Variants in MTMR9 observed in about 807,000 individuals in gnomAD.
MTMR9 encodes myotubularin related protein 9.
A neutral mutation model predicts 69.5 loss-of-function variants in MTMR9; 39 were observed. The observed-to-expected ratio is 0.56, with a 90% CI of 0.43 to 0.73. The LOEUF is 0.73. Ranked by LOEUF, MTMR9 falls within the 30% of genes least tolerant of loss-of-function variation. The probability of loss-of-function intolerance (pLI) is 0.00; values close to 1 mark genes in which losing one functional copy is unlikely to be tolerated. For synonymous variants in MTMR9, 354 were observed against 240.8 expected (o/e 1.47, Z -4.35); for missense variants, 900 against 671.2 (o/e 1.34, Z -3.77).
intron 1 of MTMR9, among the ~76,000 whole-genome samples, chr8:11,285,920 C>G (rs1269308556): frequency 6.7e-6 from 1 of 149,550 alleles, no homozygotes; most frequent in Admixed American, 6.7e-5. Context: ...GAGGATATGC[C>G]TTAAAATAAT....
At chr8:11,310,286 T>A (rs914926908) in intron 6 of MTMR9, among the ~76,000 whole-genome samples, 4 of 152,172 alleles carry the variant, frequency 2.6e-5, no homozygotes, top group African/African-American at 9.7e-5. Context: ...GGCAGAAGAC[T>A]TGAACAGAGG....
chr8:11,336,292 T>C, the MTMR9 span, among the ~76,000 whole-genome samples: 1 of 152,204 alleles, frequency 6.6e-6, no homozygotes, highest in East Asian at 1.9e-4. Flanking sequence ...ACCACATGAC[T>C]ACTTTGTATT....
chr8:11,331,343 C>A, downstream of MTMR9: 1 of 1,613,990 alleles, frequency 6.2e-7, no homozygotes, highest in Non-Finnish European at 8.5e-7. Flanking sequence ...GATGCCTCTT[C>A]CACCTCCCTA....
At chr8:11,310,075 G>A (rs1053485453) in intron 6 of MTMR9, among the ~76,000 whole-genome samples, 10 of 152,046 alleles carry the variant, frequency 6.6e-5, no homozygotes, top group Non-Finnish European at 1.2e-4. Flanking sequence ...AAATATCAGC[G>A]AAAGGAAACG....
rs536555522 is a variant in MTMR9, at chr8:11,305,134, A to C, written c.591+120A>C. The stretch of plus-strand genomic sequence containing the variant: ...AAATGATTGTCCAGGTCTCCACCAC[A>C]AGGGCTTCCTTCATGTAAGCTTTAG... On this transcript the variant is annotated intron_variant, in intron 4 of 9. Coordinates refer to ENST00000221086, the MANE Select transcript of MTMR9 (RefSeq NM_015458.4). 2.9e-5 allele frequency: 27 copies of C among 931,850 alleles called. No homozygotes were observed. The African/African-American group carries it at 4.2e-4, about 14-fold the overall frequency. The allele number at this position is 931,850 out of a possible 1,614,324, so 57.7% of individuals were successfully genotyped here.
intron 3 of MTMR9, among the ~76,000 whole-genome samples, chr8:11,303,317 C>A (rs544121447): frequency 6.6e-6 from 1 of 151,154 alleles, no homozygotes; most frequent in African/African-American, 2.4e-5. Flanking sequence ...CTGTCATTCT[C>A]CAGAGTAGGA....
At chr8:11,317,715 GC>G (rs1800489386) in intron 8 of MTMR9, 1 of 152,234 alleles carries the variant, frequency 6.6e-6, no homozygotes, top group East Asian at 1.9e-4. Context: ...GCCCAGAGTG[GC>G]AAGCTCACCT....
downstream of MTMR9, among the ~76,000 whole-genome samples, chr8:11,328,834 A>G (rs1478048746): frequency 6.6e-6 from 1 of 152,238 alleles, no homozygotes; most frequent in Non-Finnish European, 1.5e-5. Context: ...TATCAACATC[A>G]TGTGCCTTCT....
the MTMR9 span, among the ~76,000 whole-genome samples, chr8:11,335,308 C>A: frequency 2.0e-5 from 3 of 152,104 alleles, no homozygotes; most frequent in African/African-American, 7.2e-5. Flanking sequence ...TTAAAAATAT[C>A]ATTTACATTA....
rs1253411702 is a variant in MTMR9, at chr8:11,284,816, G to T, written c.-73G>T. On this transcript the variant is annotated 5_prime_UTR_variant, in exon 1 of 10. Transcript: ENST00000221086. Reference sequence around the variant, plus strand: ...GGCCAGCCCCGCGCCGGGTGTTTCCGCTACTTCCCTGCGGCGGGGTAACCG... The same window carrying T: ...GGCCAGCCCCGCGCCGGGTGTTTCCTCTACTTCCCTGCGGCGGGGTAACCG... 2.1e-6 allele frequency: 3 copies of T among 1,406,978 alleles called. No homozygotes were observed. The highest frequency in any genetic ancestry group is 4.5e-5 in the Admixed American group (2 of 44,608). The allele number at this position is 1,406,978 out of a possible 1,614,324, so 87.2% of individuals were successfully genotyped here. A position where few individuals can be genotyped will look rare whatever the true frequency, so the allele number is the denominator to read the frequency against.
At position 11,319,792 on chromosome 8, in the gene MTMR9, T is replaced by C. The variant is rs756133891; in HGVS notation, c.1440T>C (p.Leu480=). 6.2e-7 allele frequency: 1 copy of C among 1,614,182 alleles called. No individual in the cohort carries two copies. Among genetic ancestry groups the C allele is most frequent in the Non-Finnish European group, 8.5e-7 (1 of 1,180,012 alleles). ...ATCCCCTCTTTGAAGCCAACAACCT[T>C]GTCATCTGGCCTTCAGTTGCTCCGC... ...FTNPLFEANN[L]VIWPSVAPQS... is the part of the protein sequence containing the mutation. The change falls in exon 9 of 10, where the codon CTT becomes CTC. Residue 480 remains leucine, a synonymous_variant. Transcript: ENST00000221086.
rs1235050971 is a variant in MTMR9 at position 11,306,294 on chromosome 8, CAT to C, written c.697_698del (p.Ile233HisfsTer2). On this transcript the variant is annotated frameshift_variant, in exon 5 of 10. Coordinates refer to ENST00000221086, the MANE Select transcript of MTMR9 (RefSeq NM_015458.4). LOFTEE classifies it high-confidence loss of function. ...CCCTCAGGGCTGGAAAGCGTGGCTACATCATTGACACCCGATCCCTGAACGTG... is the reference window on the plus strand; with the variant it reads ...CCCTCAGGGCTGGAAAGCGTGGCTACCATTGACACCCGATCCCTGAACGTG... ...ATLRAGKRGY[I>X]IDTRSLNVAQ... 6.2e-7 allele frequency: 1 copy of C among 1,614,090 alleles called. No individual in the cohort carries two copies. Among genetic ancestry groups the C allele is most frequent in the South Asian group, 1.1e-5 (1 of 91,088 alleles).
intron 6 of MTMR9, among the ~76,000 whole-genome samples, chr8:11,311,513 C>G (rs1029838967): frequency 6.6e-6 from 1 of 152,156 alleles, no homozygotes; most frequent in African/African-American, 2.4e-5. Context: ...TATGTTTACA[C>G]TATAATGCAG....
At chr8:11,293,793 A>T (rs1311933837) in intron 1 of MTMR9, among the ~76,000 whole-genome samples, 1 of 148,930 alleles carries the variant, frequency 6.7e-6, no homozygotes, top group Non-Finnish European at 1.5e-5. Context: ...CAGTTGTGCC[A>T]GCACCATTTG....
intron 3 of MTMR9, among the ~76,000 whole-genome samples, chr8:11,303,026 T>A (rs572833489): frequency 6.6e-6 from 1 of 151,592 alleles, no homozygotes; most frequent in Non-Finnish European, 1.5e-5. Flanking sequence ...ATTCTAAAGA[T>A]GTAAGTCATT....
chr8:11,320,937 G>A (rs1800655006), intron 9 of MTMR9: 1 of 152,686 alleles, frequency 6.5e-6, no homozygotes, highest in Non-Finnish European at 1.5e-5. Context: ...TACCGTTAAT[G>A]CCAGTTGTTA....
chr8:11,335,374 C>G, the MTMR9 span, among the ~76,000 whole-genome samples: 1 of 152,110 alleles, frequency 6.6e-6, no homozygotes, highest in Non-Finnish European at 1.5e-5. Context: ...TATACAAAAT[C>G]TACATGAAGA....
downstream of MTMR9, among the ~76,000 whole-genome samples, chr8:11,330,343 G>T (rs914235701): frequency 6.6e-6 from 1 of 151,672 alleles, no homozygotes. Context: ...GGGAGGTGGG[G>T]GGCGCCTCTG....
chr8:11,313,748 G>A (rs142481849), intron 6 of MTMR9, among the ~76,000 whole-genome samples: 66 of 152,308 alleles, frequency 4.3e-4, no homozygotes, highest in African/African-American at 1.5e-3. Flanking sequence ...TTATATGGAC[G>A]TGGTTCCTGA....
Sources: allele counts gnomAD v4.1 joint callset (sites outside exome capture counted in the v4.1 genomes callset), GRCh38; gene constraint gnomAD v4.1.1; transcripts MANE v1.5; gene names NCBI Gene and HGNC (gene_info 2026-07-23, HGNC 2026-07-21).